Variants in GPN2 observed in about 807,000 individuals in gnomAD.
GPN2 encodes the protein ATP-binding domain 1 family member B.
GPN2 carries 27 observed loss-of-function variants against 30.1 expected under a neutral mutation model. The observed-to-expected ratio is 0.90, with a 90% CI of 0.66 to 1.24. GPN2 has a LOEUF of 1.24. GPN2 is among the 50% of genes most tolerant of loss of function. The probability of loss-of-function intolerance (pLI) is 0.00; values close to 1 mark genes in which losing one functional copy is unlikely to be tolerated. For synonymous variants in GPN2, 212 were observed against 174.4 expected (o/e 1.22, Z -1.70); for missense variants, 406 against 405.4 (o/e 1.00, Z -0.01).
In GPN2 at chr1:26,879,665, T is replaced by G. The variant is rs1325903497; in HGVS notation, c.*12A>C. ...GGATTATGCATCCTGCTCTCCAGGGTCCACCTTGTTGCTACAGCTGCATGG... is the reference window on the plus strand; with the variant it reads ...GGATTATGCATCCTGCTCTCCAGGGGCCACCTTGTTGCTACAGCTGCATGG... On this transcript the variant is annotated 3_prime_UTR_variant, in exon 5 of 5. Coordinates refer to ENST00000374135, the MANE Select transcript of GPN2 (RefSeq NM_018066.4). 2 of 1,604,334 alleles carry G rather than the reference T, an allele frequency of 1.2e-6. No individual in the cohort carries two copies. The highest frequency in any genetic ancestry group is 1.7e-6 in the Non-Finnish European group (2 of 1,171,378).
intron 2 of GPN2, chr1:26,886,651 T>C (rs2081892675): frequency 2.9e-6 from 1 of 339,564 alleles, no homozygotes; most frequent in Admixed American, 4.2e-5. Flanking sequence ...ACCCTGTTTC[T>C]ACTAAAAATA....
rs1157027358 is a variant in GPN2, at chr1:26,884,183, C to T, written c.837G>A (p.Met279Ile). The T allele has an allele frequency of 1.9e-6, 3 of 1,613,672 alleles. No homozygotes were observed. In the African/African-American group the frequency reaches 4.0e-5, roughly 22 times the overall value. The part of the protein sequence containing the change: ...RSLEAMMSAA[M>I]GADFHFSSTL... ...ACGAAGAGAAATGGAAGTCGGCTCCCATTGCGGCAGACATCATGGCTTCCA... is the reference window on the plus strand; with the variant it reads ...ACGAAGAGAAATGGAAGTCGGCTCCTATTGCGGCAGACATCATGGCTTCCA... The change falls in exon 4 of 5, where the codon ATG becomes ATA. Residue 279 changes from methionine (M) to isoleucine (I), a missense_variant. Physicochemically the swap from Met to Ile is conservative, Grantham distance 10. Transcript: ENST00000374135.
In GPN2 at chr1:26,890,046, C is replaced by T. The variant is rs778010342; in HGVS notation, c.51G>A (p.Pro17=). The change falls in exon 1 of 5, where the codon CCG becomes CCA. Residue 17 remains proline (P), a synonymous_variant. Coordinates refer to ENST00000374135, the MANE Select transcript of GPN2 (RefSeq NM_018066.4). ...AGTACGTGGTCTTCCCTGAGCCCGG[C>T]GGGCCGATCACCGCCTGCCCGAAGG... is the stretch of plus-strand genomic sequence containing the variant. ...TTAFGQAVIG[P]PGSGKTTYCL... The T allele has an allele frequency of 6.3e-6, 10 of 1,584,972 alleles. No individual in the cohort carries two copies. In the Admixed American group the frequency reaches 8.5e-5, roughly 14 times the overall value.
At chr1:26,886,437 T>C (rs768759620) in intron 2 of GPN2, 177 of 474,120 alleles carry the variant, frequency 3.7e-4, no homozygotes, top group Non-Finnish European at 5.4e-4. Flanking sequence ...GGCTCATGCC[T>C]GTAATCCCAG....
chr1:26,885,933 T>C, intron 3 of GPN2, 40 bp downstream of exon 3: 1 of 1,487,370 alleles, frequency 6.7e-7, no homozygotes, highest in South Asian at 1.1e-5. Context: ...GCTTGGTGAA[T>C]CCCATGCACT....
Position 26,889,003 on chromosome 1 carries a change from G to C in GPN2, c.534C>G (p.Ser178=). 6.2e-7 allele frequency: 1 copy of C among 1,614,228 alleles called. No individual in the cohort carries two copies. The highest frequency in any genetic ancestry group is 1.1e-5 in the South Asian group (1 of 91,086). ...HVELPHINLL[S]KMDLIEHYGK... is the part of the protein sequence containing the mutation. ...CATAATGCTCAATGAGGTCCATCTTGGAAAGGAGGTTGATGTGGGGCAGTT... is the reference window on the plus strand; with the variant it reads ...CATAATGCTCAATGAGGTCCATCTTCGAAAGGAGGTTGATGTGGGGCAGTT... Residue 178 remains serine (S), a synonymous_variant, in exon 2 of 5, where the codon TCC becomes TCG. Coordinates refer to ENST00000374135, the MANE Select transcript of GPN2 (RefSeq NM_018066.4).
At chr1:26,882,998 C>T (rs956210327) in intron 4 of GPN2, among the ~76,000 whole-genome samples, 1 of 152,236 alleles carries the variant, frequency 6.6e-6, no homozygotes, top group Admixed American at 6.5e-5. Context: ...AGTCTATCTC[C>T]TTAGTATTTT....
chr1:26,882,637 G>C (rs1481822165), intron 4 of GPN2, among the ~76,000 whole-genome samples: 1 of 152,162 alleles, frequency 6.6e-6, no homozygotes, highest in African/African-American at 2.4e-5. Context: ...ATGCTGCATA[G>C]ATGCTGAATC....
chr1:26,885,561 C>T (rs1477073046), intron 3 of GPN2, among the ~76,000 whole-genome samples: 3 of 151,682 alleles, frequency 2.0e-5, no homozygotes, highest in Admixed American at 2.0e-4. Context: ...GATACTCAAC[C>T]CAGGGCAAAG....
chr1:26,878,914 C>G lies in GPN2; in HGVS notation c.*763G>C, dbSNP rs2081851695. 6.6e-6 allele frequency: 1 copy of G among 152,176 alleles called. No homozygotes were observed. The highest frequency in any genetic ancestry group is 1.5e-5 in the Non-Finnish European group (1 of 68,028). 9.4% of individuals were successfully genotyped at this position (152,176 alleles called of 1,614,324 possible). ...CCCAGCCTTGAAGTAAACTTTTAAC[C>G]ACTACTGTAAATGGAAAACTAGTTA... On this transcript the variant is annotated 3_prime_UTR_variant, in exon 5 of 5. Transcript: ENST00000374135.
chr1:26,879,853 C>T, intron 4 of GPN2, 104 bp from the exon 5 acceptor site: 1 of 744,182 alleles, frequency 1.3e-6, no homozygotes, highest in Non-Finnish European at 2.4e-6. Context: ...CATGTCCATC[C>T]CTCTCTTCCT....
chr1:26,883,046 C>CT (rs2081872367), intron 4 of GPN2, among the ~76,000 whole-genome samples: 1 of 152,242 alleles, frequency 6.6e-6, no homozygotes. Flanking sequence ...CACTACAAAT[C>CT]TTTCAACCCT....
At chr1:26,883,584 C>A (rs1416366935) in intron 4 of GPN2, among the ~76,000 whole-genome samples, 1 of 152,040 alleles carries the variant, frequency 6.6e-6, no homozygotes, top group Non-Finnish European at 1.5e-5. Context: ...GTCAAGAGTT[C>A]CAGACCAGCC....
chr1:26,882,139 C>T (rs1184594806), intron 4 of GPN2, among the ~76,000 whole-genome samples: 3 of 149,144 alleles, frequency 2.0e-5, no homozygotes, highest in African/African-American at 7.4e-5. Context: ...ATTGCTTGAA[C>T]GTGGGAGATG....
At chr1:26,880,469 C>T (rs1412834080) in intron 4 of GPN2, among the ~76,000 whole-genome samples, 2 of 152,198 alleles carry the variant, frequency 1.3e-5, no homozygotes, top group Non-Finnish European at 2.9e-5. Flanking sequence ...CATGCCAGCA[C>T]ACCCAGCTAA....
chr1:26,881,744 C>G (rs2081865498), intron 4 of GPN2, among the ~76,000 whole-genome samples: 1 of 151,764 alleles, frequency 6.6e-6, no homozygotes, highest in Non-Finnish European at 1.5e-5. Context: ...ACAAAATAAA[C>G]AAACATAAAC....
rs1247013859 is a variant in GPN2 at position 26,876,221 on chromosome 1, T to G, written c.*3456A>C. Reference sequence around the variant, plus strand: ...GGATTCTGGGTGACTCATTTTCGTTTTTTTTTTTTTTGAGATGTACTTTCC... The same window carrying G: ...GGATTCTGGGTGACTCATTTTCGTTGTTTTTTTTTTTGAGATGTACTTTCC... On this transcript the variant is annotated 3_prime_UTR_variant, in exon 5 of 5. Coordinates refer to ENST00000374135, the MANE Select transcript of GPN2 (RefSeq NM_018066.4). The G allele has an allele frequency of 1.3e-5, 2 of 151,800 alleles. No homozygotes were observed. Among genetic ancestry groups the G allele is most frequent in the African/African-American group, 4.8e-5 (2 of 41,404 alleles). The allele number at this position is 151,800 out of a possible 1,614,324, so 9.4% of individuals were successfully genotyped here.
chr1:26,883,917 G>A (rs974854622), intron 4 of GPN2, among the ~76,000 whole-genome samples: 4 of 151,836 alleles, frequency 2.6e-5, no homozygotes, highest in African/African-American at 7.3e-5. Context: ...GTGGGTGGCT[G>A]TAGTCCCAGC....
In GPN2 at chr1:26,879,477, CACT is replaced by C; in HGVS notation, c.*197_*199del. Reference sequence around the variant, plus strand: ...GGCAGGGCCCAGAGCTCACGGACACCACTGACAGTATGGGGGGTGTTCTGCTTG... The same window carrying C: ...GGCAGGGCCCAGAGCTCACGGACACCGACAGTATGGGGGGTGTTCTGCTTG... On this transcript the variant is annotated 3_prime_UTR_variant, in exon 5 of 5. Coordinates refer to ENST00000374135, the MANE Select transcript of GPN2 (RefSeq NM_018066.4). 1.7e-6 allele frequency: 1 copy of C among 588,202 alleles called. No homozygotes were observed. The highest frequency in any genetic ancestry group is 3.1e-6 in the Non-Finnish European group (1 of 324,374). 36.4% of individuals were successfully genotyped at this position (588,202 alleles called of 1,614,324 possible).
Sources: gnomAD v4.1 joint callset for allele counts (sites outside exome capture counted in the v4.1 genomes callset) on GRCh38, gnomAD v4.1.1 for gene constraint, MANE v1.5 for transcripts, NCBI Gene and HGNC (gene_info 2026-07-23, HGNC 2026-07-21) for gene names.